Variants in SPECC1L observed in about 807,000 individuals in gnomAD.
SPECC1L encodes cytospin-A.
In SPECC1L, 40 loss-of-function variants were observed where a neutral mutation model predicts 116.8. The ratio of observed to expected loss-of-function variants is 0.34; its 90% confidence interval spans 0.27 to 0.45. SPECC1L has a LOEUF of 0.45. Ranked by LOEUF, SPECC1L falls within the 20% of genes least tolerant of loss-of-function variation. The probability of loss-of-function intolerance (pLI) is 1.00; values close to 1 mark genes in which losing one functional copy is unlikely to be tolerated. For missense variants in SPECC1L, 1,110 were observed against 1,373.6 expected, an observed-to-expected ratio of 0.81 and a Z score of 3.03; for synonymous variants, 504 against 500.6, an observed-to-expected ratio of 1.01 and a Z score of -0.09.
intron 11 of SPECC1L, among the ~76,000 whole-genome samples, chr22:24,354,172 C>G (rs1229682876): frequency 6.6e-6 from 1 of 152,114 alleles, no homozygotes; most frequent in African/African-American, 2.4e-5. Context: ...CTCCTATGAC[C>G]CGGGTACCTC....
At chr22:24,295,998 A>G (rs3966266) in intron 2 of SPECC1L, among the ~76,000 whole-genome samples, 69 of 151,686 alleles carry the variant, frequency 4.5e-4, no homozygotes, top group African/African-American at 1.6e-3. Context: ...CAAGTAGACA[A>G]ATCTAGAAGG....
chr22:24,297,456 C>T (rs1440446152), intron 2 of SPECC1L, among the ~76,000 whole-genome samples: 4 of 151,590 alleles, frequency 2.6e-5, no homozygotes, highest in Admixed American at 6.6e-5. Flanking sequence ...GAAACAGAAC[C>T]GATAGCATAT....
intron 6 of SPECC1L, among the ~76,000 whole-genome samples, chr22:24,325,060 G>A (rs1412685931): frequency 6.6e-6 from 1 of 152,010 alleles, no homozygotes; most frequent in Non-Finnish European, 1.5e-5. Flanking sequence ...GAACAAAGTT[G>A]GTCTAATAAC....
At chr22:24,364,315 C>A (rs1193207053) in intron 12 of SPECC1L, among the ~76,000 whole-genome samples, 2 of 152,146 alleles carry the variant, frequency 1.3e-5, no homozygotes, top group African/African-American at 4.8e-5. Flanking sequence ...TGCTATTTCC[C>A]AACAGTTGAC....
intron 14 of SPECC1L, among the ~76,000 whole-genome samples, chr22:24,380,772 A>G (rs1463990171): frequency 6.6e-6 from 1 of 152,256 alleles, no homozygotes; most frequent in Non-Finnish European, 1.5e-5. Context: ...AACCCCCACA[A>G]GGATAAATGG....
intron 14 of SPECC1L, among the ~76,000 whole-genome samples, chr22:24,385,109 A>AT (rs1490690229): frequency 2.6e-5 from 4 of 151,878 alleles, no homozygotes; most frequent in African/African-American, 9.7e-5. Context: ...CATTTAAAAA[A>AT]TTTAAAAAAT....
At chr22:24,384,689 G>T (rs1029986826) in intron 14 of SPECC1L, among the ~76,000 whole-genome samples, 1 of 152,178 alleles carries the variant, frequency 6.6e-6, no homozygotes, top group Non-Finnish European at 1.5e-5. Context: ...GCTGCATGGA[G>T]TTACTGAGAA....
chr22:24,352,696 C>T (rs1475998774), intron 11 of SPECC1L, among the ~76,000 whole-genome samples: 1 of 152,132 alleles, frequency 6.6e-6, no homozygotes, highest in African/African-American at 2.4e-5. Flanking sequence ...CCATGAAAGT[C>T]CCAGGATAAA....
chr22:24,367,425 T>A (rs1317212510), intron 13 of SPECC1L, among the ~76,000 whole-genome samples: 1 of 150,836 alleles, frequency 6.6e-6, no homozygotes, highest in Non-Finnish European at 1.5e-5. Context: ...ATTATGAGAT[T>A]TTTTTTTTTG....
intron 14 of SPECC1L, among the ~76,000 whole-genome samples, chr22:24,385,491 A>G (rs2042144346): frequency 6.6e-6 from 1 of 152,252 alleles, no homozygotes; most frequent in Admixed American, 6.5e-5. Context: ...GACTGAAAGT[A>G]AAAGAGTTGG....
chr22:24,357,066 A>G (rs1342797751), intron 11 of SPECC1L, among the ~76,000 whole-genome samples: 2 of 151,928 alleles, frequency 1.3e-5, no homozygotes, highest in Non-Finnish European at 2.9e-5. Context: ...TGGGGGGGCA[A>G]ATTTGCCCAC....
intron 2 of SPECC1L, among the ~76,000 whole-genome samples, chr22:24,282,686 G>A (rs1320864908): frequency 6.6e-6 from 1 of 151,700 alleles, no homozygotes; most frequent in Non-Finnish European, 1.5e-5. Context: ...AATGAATGTT[G>A]GGTTTTGTTT....
intron 2 of SPECC1L, among the ~76,000 whole-genome samples, chr22:24,280,757 T>C (rs2048926943): frequency 6.6e-6 from 1 of 152,074 alleles, no homozygotes; most frequent in Non-Finnish European, 1.5e-5. Context: ...TTTGTATTTT[T>C]TTGTAGAGGC....
chr22:24,333,732 C>G (rs543779074), intron 8 of SPECC1L, among the ~76,000 whole-genome samples: 1 of 152,000 alleles, frequency 6.6e-6, no homozygotes, highest in Non-Finnish European at 1.5e-5. Context: ...ACTGGTGAAC[C>G]TCCAGACTCC....
At chr22:24,357,729 C>T (rs1403679498) in intron 11 of SPECC1L, among the ~76,000 whole-genome samples, 2 of 152,178 alleles carry the variant, frequency 1.3e-5, no homozygotes, top group Non-Finnish European at 2.9e-5. Context: ...AACAGGCTTC[C>T]AGTTTCTCCA....
intron 14 of SPECC1L, among the ~76,000 whole-genome samples, chr22:24,379,431 C>T (rs981760710): frequency 6.6e-6 from 1 of 151,896 alleles, no homozygotes; most frequent in Non-Finnish European, 1.5e-5. Flanking sequence ...AGAACTTTCC[C>T]ATGTATCAGG....
intron 12 of SPECC1L, 117 bp downstream of exon 12, chr22:24,363,461 A>G: frequency 1.1e-6 from 1 of 885,226 alleles, no homozygotes; most frequent in Non-Finnish European, 1.8e-6. Flanking sequence ...CACTGGCCTC[A>G]AGCTGTCCTC....
intron 7 of SPECC1L, among the ~76,000 whole-genome samples, chr22:24,329,599 C>G (rs1319839412): frequency 6.6e-6 from 1 of 152,084 alleles, no homozygotes; most frequent in Admixed American, 6.6e-5. Flanking sequence ...GTGTAGGGGG[C>G]GTGGGGCTCA....
At chr22:24,282,976 C>CT (rs1159486184) in intron 2 of SPECC1L, among the ~76,000 whole-genome samples, 2 of 152,084 alleles carry the variant, frequency 1.3e-5, no homozygotes, top group South Asian at 2.1e-4. Context: ...CGGGGTTTCA[C>CT]CATGTTGGCC....
Sources: gnomAD v4.1 joint callset for allele counts (sites outside exome capture counted in the v4.1 genomes callset) on GRCh38, gnomAD v4.1.1 for gene constraint, MANE v1.5 for transcripts, NCBI Gene and HGNC (gene_info 2026-07-23, HGNC 2026-07-21) for gene names.